TTC3: variants seen among roughly 807,000 people sequenced by gnomAD.
TTC3 encodes the protein tetratricopeptide repeat domain 3, also known as E3 ubiquitin-protein ligase TTC3.
Under a neutral mutation model 249.6 loss-of-function variants are expected in TTC3, and 180 were observed. The observed-to-expected ratio is 0.72, with a 90% confidence interval of 0.64 to 0.82. The LOEUF is 0.82. TTC3 is among the 40% of genes least tolerant of loss of function. The pLI, the probability that TTC3 is intolerant of heterozygous loss-of-function variation, is 0.00. For missense variants in TTC3, 2,061 were observed against 2,398.4 expected (o/e 0.86, Z 2.94); for synonymous variants, 717 against 805.0 (o/e 0.89, Z 1.85).
chr21:37,165,641 C>G, exon 33 of TTC3: 5 of 1,613,922 alleles, frequency 3.1e-6, no homozygotes, highest in Non-Finnish European at 4.2e-6. Context: ...AGAAGAAACT[C>G]GACAGATACT....
chr21:37,113,049 A>C (rs1414770026), intron 11 of TTC3, among the ~76,000 whole-genome samples: 1 of 152,234 alleles, frequency 6.6e-6, no homozygotes, highest in Admixed American at 6.5e-5. Flanking sequence ...TTTCAAAATA[A>C]TAAGAGCTAG....
At chr21:37,101,350 CTTGT>C (rs1260185659) in intron 10 of TTC3, 2 of 113,958 alleles carry the variant, frequency 1.8e-5, no homozygotes, top group East Asian at 5.0e-4. Flanking sequence ...TTCACAAATT[CTTGT>C]GTGTGTGTGT....
intron 1 of TTC3, chr21:37,083,186 A>G: frequency 1.0e-6 from 1 of 985,428 alleles, no homozygotes; most frequent in Non-Finnish European, 1.2e-6. Context: ...ACTAATAGAC[A>G]TTAGGTGGTT....
intron 1 of TTC3, among the ~76,000 whole-genome samples, chr21:37,079,772 G>A (rs771970430): frequency 6.6e-6 from 1 of 151,814 alleles, no homozygotes; most frequent in Non-Finnish European, 1.5e-5. Flanking sequence ...GACCTCAAGT[G>A]GTCTGCCCAC....
Position 37,182,927 on chromosome 21 carries a change from G to T in TTC3, c.4757+14G>T. ...TGCCAGTGAAATGTAAGTAATGATT[G>T]AAAGGCAGTAATTTTTATTTAAAAA... On this transcript the variant is annotated intron_variant, in intron 36 of 45. Coordinates refer to ENST00000355666, the Ensembl canonical transcript of TTC3. The T allele has an allele frequency of 2.0e-6, 3 of 1,526,448 alleles. No individual in the cohort carries two copies. Among genetic ancestry groups the T allele is most frequent in the Non-Finnish European group, 2.6e-6 (3 of 1,141,004 alleles). 94.6% of individuals were successfully genotyped at this position (1,526,448 alleles called of 1,614,324 possible).
intron 35 of TTC3, among the ~76,000 whole-genome samples, chr21:37,180,369 G>T (rs978912224): frequency 1.3e-5 from 2 of 150,718 alleles, no homozygotes; most frequent in East Asian, 3.9e-4. Context: ...TTTTTATTTT[G>T]TCTTTTAAAT....
At chr21:37,075,334 A>G (rs548095661) in intron 1 of TTC3, among the ~76,000 whole-genome samples, 1 of 152,222 alleles carries the variant, frequency 6.6e-6, no homozygotes, top group Non-Finnish European at 1.5e-5. Flanking sequence ...AACTTGTTTC[A>G]GTTTTTGACT....
chr21:37,188,472 T>A, intron 38 of TTC3, 23 bp from the exon 39 acceptor site: 3 of 1,585,258 alleles, frequency 1.9e-6, no homozygotes, highest in Non-Finnish European at 2.6e-6. Flanking sequence ...AAAATACTCA[T>A]ATGTCTTCTG....
chr21:37,090,392 T>C, intron 6 of TTC3, 106 bp downstream of exon 6: 1 of 1,110,152 alleles, frequency 9.0e-7, no homozygotes, highest in East Asian at 2.5e-5. Context: ...GTTCTATATG[T>C]GGTATTTGGT....
intron 27 of TTC3, among the ~76,000 whole-genome samples, chr21:37,156,041 TG>T (rs35023563): frequency 0.51 from 76,707 of 149,168 alleles, 19,957 homozygotes; most frequent in African/African-American, 0.59. Flanking sequence ...TGTTTGGGTT[TG>T]TTTTTTTTTT....
chr21:37,077,552 T>A (rs2071069947), intron 1 of TTC3, among the ~76,000 whole-genome samples: 1 of 152,224 alleles, frequency 6.6e-6, no homozygotes, highest in Non-Finnish European at 1.5e-5. Context: ...TATACTTTGA[T>A]CAACAGTGTG....
chr21:37,094,443 C>G (rs1335322698), intron 8 of TTC3, among the ~76,000 whole-genome samples: 2 of 152,084 alleles, frequency 1.3e-5, no homozygotes, highest in Non-Finnish European at 2.9e-5. Context: ...ATTGAATTCC[C>G]TAATGCTGTT....
intron 42 of TTC3, 69 bp from the exon 43 acceptor site, chr21:37,197,501 A>G: frequency 6.3e-7 from 1 of 1,594,246 alleles, no homozygotes. Flanking sequence ...TTGGATTAAT[A>G]TTGGCATGTA....
intron 42 of TTC3, 63 bp downstream of exon 42, chr21:37,196,099 G>A: frequency 1.3e-6 from 2 of 1,571,610 alleles, no homozygotes; most frequent in Non-Finnish European, 8.6e-7. Context: ...TTCCTGATTA[G>A]ATAAAATCAT....
chr21:37,170,295 A>G (rs1039192150), intron 34 of TTC3, among the ~76,000 whole-genome samples: 17 of 152,238 alleles, frequency 1.1e-4, no homozygotes, highest in Non-Finnish European at 8.8e-5. Flanking sequence ...AAGATCAACA[A>G]TCTGTCACAA....
At chr21:37,078,816 A>G (rs2071237713) in intron 1 of TTC3, among the ~76,000 whole-genome samples, 1 of 152,106 alleles carries the variant, frequency 6.6e-6, no homozygotes, top group South Asian at 2.1e-4. Flanking sequence ...ATGTGCTGGC[A>G]TACTTTATAC....
exon 33 of TTC3, chr21:37,166,226 G>T (rs757861146): frequency 6.2e-7 from 1 of 1,614,092 alleles, no homozygotes; most frequent in East Asian, 2.2e-5. Context: ...ATACATAAAC[G>T]TGTTACCAGG....
intron 36 of TTC3, 96 bp downstream of exon 36, chr21:37,183,009 T>G (rs2082902065): frequency 9.4e-7 from 1 of 1,064,314 alleles, no homozygotes; most frequent in Admixed American, 3.5e-5. Context: ...TTAAACTACA[T>G]CAAGTAAAGT....
At chr21:37,084,107 C>G (rs2072073942) in intron 1 of TTC3, 2 of 152,220 alleles carry the variant, frequency 1.3e-5, no homozygotes, top group African/African-American at 4.8e-5. Context: ...GATGCAAGTT[C>G]AGAAAGTGCT....
Sources: gnomAD v4.1 joint callset for allele counts (sites outside exome capture counted in the v4.1 genomes callset) on GRCh38, gnomAD v4.1.1 for gene constraint, MANE v1.5 for transcripts, NCBI Gene and HGNC (gene_info 2026-07-23, HGNC 2026-07-21) for gene names.